The following INTS9 variants were observed in gnomAD, a reference collection of about 807,000 sequenced individuals.
INTS9 encodes the protein protein related to CPSF subunits of 74 kDa.
Under a neutral mutation model 79.7 loss-of-function variants are expected in INTS9, and 55 were observed. The ratio of observed to expected loss-of-function variants is 0.69; its 90% CI spans 0.56 to 0.86. INTS9 has a LOEUF of 0.86. Ranked by LOEUF, INTS9 falls within the 40% of genes least tolerant of loss-of-function variation. The pLI is 0.00. For missense variants in INTS9, 721 were observed against 831.5 expected, an observed-to-expected ratio of 0.87 and a Z score of 1.64; for synonymous variants, 319 against 325.2, an observed-to-expected ratio of 0.98 and a Z score of 0.20.
chr8:28,832,733 G>A (rs1324544007), intron 6 of INTS9, among the ~76,000 whole-genome samples: 5 of 150,824 alleles, frequency 3.3e-5, no homozygotes, highest in Non-Finnish European at 7.3e-5. Context: ...GGAGGCTGAG[G>A]TGGGCAGATC....
At chr8:28,885,781 G>A (rs981359619) in intron 1 of INTS9, among the ~76,000 whole-genome samples, 32 of 152,152 alleles carry the variant, frequency 2.1e-4, no homozygotes, top group African/African-American at 7.5e-4. Context: ...AGCTGAACTG[G>A]CCATCAGCGT....
chr8:28,841,771 A>C (rs1807199917), intron 4 of INTS9, among the ~76,000 whole-genome samples: 1 of 152,206 alleles, frequency 6.6e-6, no homozygotes, highest in Non-Finnish European at 1.5e-5. Context: ...AATAAGCTAG[A>C]GAAAAGAAAA....
chr8:28,855,671 GA>G (rs1237783219), intron 2 of INTS9, among the ~76,000 whole-genome samples: 1 of 152,164 alleles, frequency 6.6e-6, no homozygotes, highest in African/African-American at 2.4e-5. Flanking sequence ...TGAGATCCTG[GA>G]CCAGAAATTA....
chr8:28,881,213 C>A (rs1809762409), intron 1 of INTS9, among the ~76,000 whole-genome samples: 1 of 146,032 alleles, frequency 6.8e-6, no homozygotes, highest in Non-Finnish European at 1.5e-5. Context: ...AAGTGAGGAG[C>A]CCCTCTGCCC....
chr8:28,846,809 C>A lies in INTS9; in HGVS notation c.199G>T (p.Glu67Ter). ...ACATGACCCGAGCACTCCTTTAGCT[C>A]CTAAAAGAAATGAAAAGGAAAAATA... ...LKDGNAFLDKELKECSGHVFV... is the reference protein window; with the variant it reads ...LKDGNAFLDK The change falls in exon 4 of 17, where the codon GAG becomes TAG. Residue 67 changes from glutamate (E) to a stop codon, truncating the protein, a stop_gained and splice_region_variant. Transcript: ENST00000521022. LOFTEE classifies it high-confidence loss of function. 5 of 1,611,764 alleles carry A rather than the reference C, an allele frequency of 3.1e-6. No individual in the cohort carries two copies. Among genetic ancestry groups the A allele is most frequent in the Admixed American group, 3.3e-5 (2 of 60,010 alleles).
chr8:28,838,021 C>T (rs973458877), intron 4 of INTS9, among the ~76,000 whole-genome samples: 3 of 152,026 alleles, frequency 2.0e-5, no homozygotes, highest in Admixed American at 6.6e-5. Context: ...TTTACTAGAA[C>T]AGAATTCTTC....
chr8:28,800,798 C>T (rs1447448973), intron 8 of INTS9, among the ~76,000 whole-genome samples: 1 of 152,172 alleles, frequency 6.6e-6, no homozygotes, highest in East Asian at 1.9e-4. Flanking sequence ...GGAAATATCA[C>T]TAACTATGTG....
intron 1 of INTS9, among the ~76,000 whole-genome samples, chr8:28,889,161 A>G (rs754999126): frequency 1.3e-5 from 2 of 152,244 alleles, no homozygotes; most frequent in African/African-American, 4.8e-5. Flanking sequence ...TGTGTGCACA[A>G]TGAGTCAAAT....
At position 28,784,027 on chromosome 8, in the gene INTS9, G is replaced by A. The variant is rs571589616; in HGVS notation, c.1099-3033C>T. On this transcript the variant is annotated intron_variant, in intron 11 of 16. Coordinates refer to ENST00000521022, the MANE Select transcript of INTS9 (RefSeq NM_018250.4). ...TTTGCCAATTGGATCTACCTTTCTA[G>A]CCAACTTACTGCATTTGACCAGTGG... 4.6e-5 allele frequency: 7 copies of A among 152,316 alleles called. No individual in the cohort carries two copies. In the South Asian group the frequency reaches 1.5e-3, roughly 32 times the overall value. 9.4% of individuals were successfully genotyped at this position (152,316 alleles called of 1,614,324 possible).
intron 1 of INTS9, among the ~76,000 whole-genome samples, chr8:28,880,149 G>C (rs1422955462): frequency 1.3e-5 from 2 of 152,022 alleles, no homozygotes; most frequent in Non-Finnish European, 2.9e-5. Context: ...AAAAAATAGA[G>C]GAAAGAAGAC....
intron 10 of INTS9, among the ~76,000 whole-genome samples, chr8:28,790,762 G>C (rs1214669686): frequency 6.6e-6 from 1 of 152,050 alleles, no homozygotes; most frequent in African/African-American, 2.4e-5. Context: ...CCTCTCCCCA[G>C]ACAATCCCAT....
In INTS9 at chr8:28,889,542, C is replaced by G. The variant is rs938505149; in HGVS notation, c.9+332G>C. Among the ~76,000 whole-genome samples, 3 of 152,144 alleles carry G rather than the reference C, an allele frequency of 2.0e-5. No homozygotes were observed. In the East Asian group the frequency reaches 5.8e-4, roughly 29 times the overall value. On this transcript the variant is annotated intron_variant, in intron 1 of 16. Transcript: ENST00000521022. Reference sequence around the variant, plus strand: ...CGAATGGAAACGGATTGTTAACAGCCTATTATAACCCTCACGTGGGAACCA... The same window carrying G: ...CGAATGGAAACGGATTGTTAACAGCGTATTATAACCCTCACGTGGGAACCA...
chr8:28,816,303 CT>C (rs1805475744), intron 6 of INTS9, among the ~76,000 whole-genome samples: 1 of 114,570 alleles, frequency 8.7e-6, no homozygotes, highest in East Asian at 3.1e-4. Flanking sequence ...TCCCTCCCCC[CT>C]CCCCCCACCC....
At chr8:28,824,899 G>A (rs923959121) in intron 6 of INTS9, among the ~76,000 whole-genome samples, 1 of 152,168 alleles carries the variant, frequency 6.6e-6, no homozygotes, top group Non-Finnish European at 1.5e-5. Context: ...TCTGCAATGG[G>A]GAAATGATAT....
intron 1 of INTS9, among the ~76,000 whole-genome samples, chr8:28,889,120 T>C (rs1319073321): frequency 1.3e-5 from 2 of 152,166 alleles, no homozygotes; most frequent in Non-Finnish European, 2.9e-5. Context: ...TATTAACTAA[T>C]TGAATCGAGT....
At chr8:28,833,678 G>GAA (rs546860163) in intron 6 of INTS9, among the ~76,000 whole-genome samples, 2 of 140,712 alleles carry the variant, frequency 1.4e-5, no homozygotes, top group African/African-American at 5.2e-5. Flanking sequence ...AAAAGAAAAA[G>GAA]AAAAAAAAAA....
At chr8:28,843,475 A>G (rs1200828901) in intron 4 of INTS9, among the ~76,000 whole-genome samples, 2 of 152,174 alleles carry the variant, frequency 1.3e-5, no homozygotes, top group African/African-American at 4.8e-5. Context: ...GGCTGGAGGA[A>G]GCTGCTTTTC....
intron 11 of INTS9, among the ~76,000 whole-genome samples, chr8:28,782,477 G>A (rs1471825727): frequency 1.3e-5 from 2 of 152,238 alleles, no homozygotes; most frequent in African/African-American, 4.8e-5. Flanking sequence ...GATCATTTCT[G>A]TTGTTTGCTA....
chr8:28,879,728 A>T (rs1456051708), intron 1 of INTS9, among the ~76,000 whole-genome samples: 1 of 152,242 alleles, frequency 6.6e-6, no homozygotes, highest in Admixed American at 6.5e-5. Context: ...AATATTATTC[A>T]GCAAGAAAAA....
Sources: gnomAD v4.1 joint callset for allele counts (sites outside exome capture counted in the v4.1 genomes callset) on GRCh38, gnomAD v4.1.1 for gene constraint, MANE v1.5 for transcripts, NCBI Gene and HGNC (gene_info 2026-07-23, HGNC 2026-07-21) for gene names.